DUOX2: variants seen among roughly 807,000 people sequenced by gnomAD.
DUOX2 encodes the protein dual oxidase 2, also known as NADH/NADPH thyroid oxidase p138-tox.
Under a neutral mutation model 183.3 loss-of-function variants are expected in DUOX2, and 185 were observed. That is an observed-to-expected ratio of 1.01 (90% CI 0.90 to 1.14). DUOX2 has a LOEUF of 1.14. Ranked by LOEUF, DUOX2 falls within the 50% of genes most tolerant of loss-of-function variation. DUOX2 has a pLI of 0.00. For missense variants in DUOX2, 1,999 were observed against 2,022.9 expected, an observed-to-expected ratio of 0.99 and a Z score of 0.23; for synonymous variants, 788 against 812.4, an observed-to-expected ratio of 0.97 and a Z score of 0.51.
At chr15:45,107,592 C>T (rs1894254005) in intron 13 of DUOX2, 129 bp from the exon 14 acceptor site, 2 of 1,013,566 alleles carry the variant, frequency 2.0e-6, no homozygotes, top group East Asian at 2.4e-5. Context: ...GCCTGTAATC[C>T]CAACACTTTG....
intron 4 of DUOX2, among the ~76,000 whole-genome samples, 187 bp from the exon 5 acceptor site, chr15:45,112,142 T>G (rs1894444470): frequency 6.6e-6 from 1 of 152,196 alleles, no homozygotes; most frequent in South Asian, 2.1e-4. Context: ...TATAGTGAGT[T>G]CCCTTCCTAC....
At chr15:45,107,569 T>C in intron 13 of DUOX2, 106 bp from the exon 14 acceptor site, 1 of 1,205,362 alleles carries the variant, frequency 8.3e-7, no homozygotes. Flanking sequence ...AGGGGCTGGG[T>C]GCAGTGGCTC....
intron 26 of DUOX2, chr15:45,098,955 C>A: frequency 4.6e-6 from 1 of 216,796 alleles, no homozygotes; most frequent in South Asian, 7.9e-5. Context: ...CCTCCTGCCT[C>A]AGACTTCCAA....
At position 45,093,151 on chromosome 15, in the gene DUOX2, C is replaced by A. The variant is rs1016391396; in HGVS notation, c.*999G>T. Reference sequence around the variant, plus strand: ...AGGGGATGTTTCAGCCTGGCTCTTGCGTAAGGTGACCAGCTGTCCCAATCT... The same window carrying A: ...AGGGGATGTTTCAGCCTGGCTCTTGAGTAAGGTGACCAGCTGTCCCAATCT... On this transcript the variant is annotated 3_prime_UTR_variant, in exon 34 of 34. Transcript: ENST00000389039. 1 of 152,206 alleles carries A rather than the reference C, an allele frequency of 6.6e-6. No individual in the cohort carries two copies. The highest frequency in any genetic ancestry group is 2.1e-4 in the South Asian group (1 of 4,834). The allele number at this position is 152,206 out of a possible 1,614,324, so 9.4% of individuals were successfully genotyped here.
At chr15:45,109,353 CAAA>C (rs11362140) in intron 11 of DUOX2, 168 bp downstream of exon 11, 534 of 568,172 alleles carry the variant, frequency 9.4e-4, no homozygotes, top group East Asian at 9.9e-4. Context: ...GTAAATTAAG[CAAA>C]AAAAAAAAAA....
At chr15:45,112,827 TC>T in intron 3 of DUOX2, 109 bp from the exon 4 acceptor site, 1 of 1,570,132 alleles carries the variant, frequency 6.4e-7, no homozygotes, top group Middle Eastern at 1.7e-4. Context: ...GACAGAACCT[TC>T]CCTCAAGGGT....
At chr15:45,100,947 G>A in intron 22 of DUOX2, 109 bp from the exon 23 acceptor site, 1 of 757,736 alleles carries the variant, frequency 1.3e-6, no homozygotes, top group Non-Finnish European at 2.3e-6. Flanking sequence ...TACCAGGCAG[G>A]GGGCAAGGCA....
At position 45,112,641 on chromosome 15, in the gene DUOX2, T is replaced by A; in HGVS notation, c.238A>T (p.Asn80Tyr). The change falls in exon 4 of 34, where the codon AAC becomes TAC. Residue 80 changes from asparagine to tyrosine, a missense_variant. Physicochemically the swap from Asn to Tyr is moderately radical, Grantham distance 143 (BLOSUM62 -2). Around this residue, in one of 3 missense-constraint regions of DUOX2, gnomAD observed 356 missense variants for 356.4 expected, o/e 1.00. Coordinates refer to ENST00000389039, the MANE Select transcript of DUOX2 (RefSeq NM_001363711.2). ...YQALEEPQLP[N>Y]PRRLSNAATR... The stretch of plus-strand genomic sequence containing the variant: ...GCTGCGTTGCTGAGCCGGCGCGGGT[T>A]GGGCAGCTGCGGCTCCTCCAGAGCC... 6.2e-7 allele frequency: 1 copy of A among 1,612,902 alleles called. No homozygotes were observed. Among genetic ancestry groups the A allele is most frequent in the Non-Finnish European group, 8.5e-7 (1 of 1,179,878 alleles).
chr15:45,110,046 G>T, intron 9 of DUOX2, 66 bp from the exon 10 acceptor site: 1 of 1,442,218 alleles, frequency 6.9e-7, no homozygotes, highest in Admixed American at 1.7e-5. Flanking sequence ...GGTTGAGTGG[G>T]CTGAGGGACT....
At chr15:45,096,528 C>A (rs1189434717) in intron 29 of DUOX2, among the ~76,000 whole-genome samples, 1 of 152,036 alleles carries the variant, frequency 6.6e-6, no homozygotes, top group Non-Finnish European at 1.5e-5. Flanking sequence ...AGTGGAAAAC[C>A]AGTATCATGT....
chr15:45,113,497 C>T lies in DUOX2; in HGVS notation c.-14-72G>A, dbSNP rs1894511829. On this transcript the variant is annotated intron_variant, in intron 1 of 33. Coordinates refer to ENST00000389039, the MANE Select transcript of DUOX2 (RefSeq NM_001363711.2). Reference sequence around the variant, plus strand: ...TTAGGGCGTCCTCTATGCCTCCCCTCTTGTTCCTACAGCTAGTACTGGAGG... The same window carrying T: ...TTAGGGCGTCCTCTATGCCTCCCCTTTTGTTCCTACAGCTAGTACTGGAGG... 5 of 1,193,126 alleles carry T rather than the reference C, an allele frequency of 4.2e-6. No individual in the cohort carries two copies. The South Asian group carries it at 6.5e-5, about 16-fold the overall frequency. The allele number at this position is 1,193,126 out of a possible 1,614,324, so 73.9% of individuals were successfully genotyped here.
chr15:45,111,758 C>T lies in DUOX2; in HGVS notation c.513+10G>A, dbSNP rs1894422155. On this transcript the variant is annotated intron_variant, in intron 5 of 33. Transcript: ENST00000389039. The stretch of plus-strand genomic sequence containing the variant: ...GGTGCGGTCCCTTCCCGCCGCCTTC[C>T]CCGCCTCACCAGGTCCCGGGGGTTG... 2 of 1,576,254 alleles carry T rather than the reference C, an allele frequency of 1.3e-6. No homozygotes were observed. The highest frequency in any genetic ancestry group is 1.7e-6 in the Non-Finnish European group (2 of 1,161,510).
chr15:45,109,863 T>G, intron 10 of DUOX2, 27 bp downstream of exon 10: 1 of 1,608,152 alleles, frequency 6.2e-7, no homozygotes, highest in East Asian at 2.2e-5. Context: ...TTGACCCATC[T>G]TCCCCTGACC....
At chr15:45,094,430 C>G in intron 33 of DUOX2, 133 bp downstream of exon 33, 1 of 1,517,692 alleles carries the variant, frequency 6.6e-7, no homozygotes, top group Non-Finnish European at 9.0e-7. Flanking sequence ...CCCCCTTTAA[C>G]AGCTGACCTC....
In DUOX2 at chr15:45,109,975, G is replaced by A; in HGVS notation, c.1046C>T (p.Ala349Val). Reference protein sequence around the residue: ...MVPPGVYMRNASCHFRKVLNK... With the variant: ...MVPPGVYMRNVSCHFRKVLNK... ...CAGGACCTTCCGGAAATGACAGCTG[G>A]CATTTCTGAAATTGAGAACAAAGGA... Residue 349 changes from alanine to valine, a missense_variant, in exon 10 of 34, where the codon GCC becomes GTC. Physicochemically the swap from Ala to Val is moderately conservative, Grantham distance 64. Transcript: ENST00000389039. 1 of 1,613,942 alleles carries A rather than the reference G, an allele frequency of 6.2e-7. No individual in the cohort carries two copies. Among genetic ancestry groups the A allele is most frequent in the Non-Finnish European group, 8.5e-7 (1 of 1,179,904 alleles).
intron 2 of DUOX2, 71 bp from the exon 3 acceptor site, chr15:45,113,147 G>C (rs764636010): frequency 2.6e-4 from 405 of 1,535,948 alleles, no homozygotes; most frequent in Non-Finnish European, 3.3e-4. Context: ...GAAGGCCTTG[G>C]CCAGTCCTTC....
At chr15:45,099,156 G>C (rs977245921) in intron 26 of DUOX2, 1 of 421,052 alleles carries the variant, frequency 2.4e-6, no homozygotes, top group South Asian at 2.1e-5. Context: ...GATTACAGGC[G>C]CCCACCACCA....
Position 45,106,933 on chromosome 15 carries a change from T to A in DUOX2, c.1730A>T (p.Asp577Val). ...PCPQPKQLTT[D>V]GLPQCAPLTV... ...CAGGGGTGCACACTGGGGCAGGCCG[T>A]CAGTTGTGAGCTGCTTAGGTTGAGG... is the stretch of plus-strand genomic sequence containing the variant. The change falls in exon 15 of 34, where the codon GAC becomes GTC. Residue 577 changes from aspartate to valine, a missense_variant. Asp to Val is a radical substitution (Grantham distance 152). Transcript: ENST00000389039. 1 of 1,580,132 alleles carries A rather than the reference T, an allele frequency of 6.3e-7. No homozygotes were observed. Among genetic ancestry groups the A allele is most frequent in the South Asian group, 1.2e-5 (1 of 86,006 alleles).
chr15:45,094,323 T>C (rs1175378136), intron 33 of DUOX2, 51 bp from the exon 34 acceptor site: 6 of 1,613,138 alleles, frequency 3.7e-6, no homozygotes, highest in Non-Finnish European at 5.1e-6. Context: ...AGGTGCTCAC[T>C]CTCCTTGGGA....
Sources: gnomAD v4.1 joint callset for allele counts (sites outside exome capture counted in the v4.1 genomes callset) on GRCh38, gnomAD v4.1.1 for gene constraint, gnomAD v4.1.1 regional missense constraint, MANE v1.5 for transcripts, NCBI Gene and HGNC (gene_info 2026-07-23, HGNC 2026-07-21) for gene names.